The following PTPN3 variants were observed in gnomAD, a reference collection of about 807,000 sequenced individuals.
PTPN3 encodes protein tyrosine phosphatase non-receptor type 3, also known as tyrosine-protein phosphatase non-receptor type 3.
In PTPN3, 96 loss-of-function variants were observed where a neutral mutation model predicts 132.7. The ratio of observed to expected loss-of-function variants is 0.72; its 90% confidence interval spans 0.61 to 0.86. PTPN3 has a LOEUF of 0.86. Ranked by LOEUF, PTPN3 falls within the 40% of genes least tolerant of loss-of-function variation. The probability of loss-of-function intolerance (pLI) is 0.00; values close to 1 mark genes in which losing one functional copy is unlikely to be tolerated. For missense variants in PTPN3, 1,125 were observed against 1,159.6 expected, an observed-to-expected ratio of 0.97 and a Z score of 0.43; for synonymous variants, 398 against 429.0, an observed-to-expected ratio of 0.93 and a Z score of 0.89.
chr9:109,419,115 C>A (rs1035814640), intron 14 of PTPN3, among the ~76,000 whole-genome samples: 1 of 152,354 alleles, frequency 6.6e-6, no homozygotes, highest in African/African-American at 2.4e-5. Context: ...CAAGTTGGAA[C>A]AAGAGATAGC....
At chr9:109,411,107 G>A (rs572645502) in intron 14 of PTPN3, among the ~76,000 whole-genome samples, 7 of 152,274 alleles carry the variant, frequency 4.6e-5, no homozygotes, top group East Asian at 1.9e-4. Context: ...AGCCATATGC[G>A]GCCAGTGGCT....
At chr9:109,410,760 G>C (rs1434873931) in intron 14 of PTPN3, among the ~76,000 whole-genome samples, 1 of 152,220 alleles carries the variant, frequency 6.6e-6, no homozygotes, top group Non-Finnish European at 1.5e-5. Context: ...TGCCAGGCAA[G>C]CTCATGCAGA....
intron 10 of PTPN3, chr9:109,429,095 T>C (rs1395848199): frequency 4.1e-6 from 4 of 971,650 alleles, no homozygotes; most frequent in Non-Finnish European, 4.9e-6. Context: ...ACGTGTCAAG[T>C]AGCCTACTTA....
intron 12 of PTPN3, among the ~76,000 whole-genome samples, chr9:109,425,204 C>T (rs1002793402): frequency 2.0e-5 from 3 of 152,248 alleles, no homozygotes; most frequent in African/African-American, 7.2e-5. Context: ...GCATTTAGCA[C>T]CACAAATAGT....
intron 10 of PTPN3, 147 bp from the exon 11 acceptor site, chr9:109,428,831 T>G: frequency 1.4e-6 from 2 of 1,428,578 alleles, no homozygotes; most frequent in South Asian, 3.1e-5. Flanking sequence ...GTAGAAATGA[T>G]GGCAGCCCCA....
the PTPN3 span, among the ~76,000 whole-genome samples, chr9:109,521,345 A>C: frequency 6.6e-6 from 1 of 152,092 alleles, no homozygotes; most frequent in Non-Finnish European, 1.5e-5. Flanking sequence ...TTTTTTGTAG[A>C]GATGAGGTAT....
chr9:109,514,454 G>C, the PTPN3 span, among the ~76,000 whole-genome samples: 28 of 152,260 alleles, frequency 1.8e-4, no homozygotes, highest in Non-Finnish European at 2.6e-4. Context: ...TGGCGAGGGG[G>C]TTTTCATTCA....
chr9:109,485,575 C>T, intron 1 of PTPN3, among the ~76,000 whole-genome samples: 1 of 152,026 alleles, frequency 6.6e-6, no homozygotes, highest in East Asian at 1.9e-4. Flanking sequence ...TGATCCAGCC[C>T]CCAGATCCTC....
intron 16 of PTPN3, among the ~76,000 whole-genome samples, chr9:109,409,528 A>G (rs570597716): frequency 2.0e-4 from 30 of 152,330 alleles, no homozygotes; most frequent in African/African-American, 7.0e-4. Context: ...CACATTAAAA[A>G]AAACCTCTCA....
At chr9:109,490,599 C>T (rs1394412644) in intron 1 of PTPN3, among the ~76,000 whole-genome samples, 6 of 152,024 alleles carry the variant, frequency 3.9e-5, no homozygotes, top group East Asian at 3.9e-4. Context: ...ATTAGCCGGG[C>T]GTGGTGGCAC....
chr9:109,518,598 C>T, the PTPN3 span, among the ~76,000 whole-genome samples: 2 of 152,276 alleles, frequency 1.3e-5, no homozygotes, highest in Non-Finnish European at 2.9e-5. Flanking sequence ...AATTCACCAG[C>T]CTGCCAAGAC....
At chr9:109,471,157 A>G (rs1319674983) in intron 1 of PTPN3, among the ~76,000 whole-genome samples, 2 of 151,976 alleles carry the variant, frequency 1.3e-5, no homozygotes, top group Middle Eastern at 3.2e-3. Flanking sequence ...CCTGGGCTGA[A>G]GCAATTCTTG....
At chr9:109,533,755 C>T in the PTPN3 span, 1 of 1,397,234 alleles carries the variant, frequency 7.2e-7, no homozygotes, top group Non-Finnish European at 9.8e-7. Context: ...AAGGTGGGAA[C>T]CTTCACCTGC....
At chr9:109,449,564 G>T (rs968968419) in intron 5 of PTPN3, 26 of 985,280 alleles carry the variant, frequency 2.6e-5, no homozygotes, top group Non-Finnish European at 3.1e-5. Flanking sequence ...TCTGCCTGGG[G>T]AGCGGGGAAA....
intron 7 of PTPN3, among the ~76,000 whole-genome samples, chr9:109,440,917 T>TA (rs1431403160): frequency 2.6e-5 from 4 of 152,184 alleles, no homozygotes; most frequent in African/African-American, 9.7e-5. Flanking sequence ...GAAACAAAGT[T>TA]AAACAGTGAT....
the PTPN3 span, among the ~76,000 whole-genome samples, chr9:109,510,576 A>AAAATAT: frequency 2.1e-5 from 1 of 47,328 alleles, no homozygotes; most frequent in African/African-American, 7.5e-5. Flanking sequence ...AAAAAAAAAA[A>AAAATAT]ATATATATAT....
chr9:109,501,188 A>G (rs980658528), upstream of PTPN3, among the ~76,000 whole-genome samples: 4 of 152,176 alleles, frequency 2.6e-5, no homozygotes, highest in African/African-American at 9.7e-5. Flanking sequence ...AGTACGATGA[A>G]TATTTTATAT....
At chr9:109,420,712 C>T (rs1043107055) in intron 13 of PTPN3, 112 bp from the exon 14 acceptor site, 24 of 1,132,892 alleles carry the variant, frequency 2.1e-5, no homozygotes, top group Non-Finnish European at 2.8e-5. Flanking sequence ...CCTTCCTTGG[C>T]GGAGGCTGAC....
chr9:109,471,122 T>C (rs1197000379), intron 1 of PTPN3, among the ~76,000 whole-genome samples: 1 of 151,508 alleles, frequency 6.6e-6, no homozygotes, highest in Non-Finnish European at 1.5e-5. Flanking sequence ...AGTGGCGCAA[T>C]CTCAGCTCAC....
Sources: allele counts gnomAD v4.1 joint callset (sites outside exome capture counted in the v4.1 genomes callset), GRCh38; gene constraint gnomAD v4.1.1; transcripts MANE v1.5; gene names NCBI Gene and HGNC (gene_info 2026-07-23, HGNC 2026-07-21).